Variants in SYTL2 observed in about 807,000 individuals in gnomAD.
The protein encoded by SYTL2 is synaptotagmin like 2.
Under a neutral mutation model 198.7 loss-of-function variants are expected in SYTL2, and 165 were observed. The ratio of observed to expected loss-of-function variants is 0.83; its 90% CI spans 0.73 to 0.94. The LOEUF (loss-of-function observed/expected upper bound fraction) is 0.94. Ranked by LOEUF, SYTL2 falls within the 40% of genes least tolerant of loss-of-function variation. SYTL2 has a pLI of 0.00. For missense variants in SYTL2, 2,835 were observed against 2,582.8 expected (o/e 1.10, Z -2.12); for synonymous variants, 966 against 917.7 (o/e 1.05, Z -0.95).
chr11:85,724,699 C>A lies in SYTL2; in HGVS notation c.4659G>T (p.Lys1553Asn). 1 of 1,614,058 alleles carries A rather than the reference C, an allele frequency of 6.2e-7. No individual in the cohort carries two copies. Among genetic ancestry groups the A allele is most frequent in the Non-Finnish European group, 8.5e-7 (1 of 1,180,008 alleles). Residue 1553 changes from lysine (K) to asparagine (N), a missense_variant, in exon 8 of 20, where the codon AAG (lysine) becomes AAT (asparagine). Lys to Asn is a moderately conservative substitution (Grantham distance 94). Around this residue, in one of 3 missense-constraint regions of SYTL2, gnomAD observed 2,645 missense variants for 2,381.7 expected, o/e 1.11. Coordinates refer to ENST00000359152, the MANE Select transcript of SYTL2 (RefSeq NM_206927.4). Reference protein sequence around the residue: ...HPEELKETVEKAEAPLITESA... With the variant: ...HPEELKETVENAEAPLITESA... ...TCTCAGTTATTAACGGAGCCTCGGC[C>A]TTTTCTACTGTTTCTTTTAATTCCT...
chr11:85,696,302 A>G lies in SYTL2; in HGVS notation c.6455T>C (p.Met2152Thr), dbSNP rs1439632826. 4 of 1,613,940 alleles carry G rather than the reference A, an allele frequency of 2.5e-6. 1 individual carries two copies. The highest frequency in any genetic ancestry group is 2.5e-6 in the Non-Finnish European group (3 of 1,179,876). ...KTTNPIFNHT[M>T]VYDGFRPEDL... is the part of the protein sequence containing the mutation. ...TTCAGGCCTGAACCCATCATACACCATAGTGTGGTTGAAGATAGGGTTGGT... is the reference window on the plus strand; with the variant it reads ...TTCAGGCCTGAACCCATCATACACCGTAGTGTGGTTGAAGATAGGGTTGGT... Residue 2152 changes from methionine (M) to threonine (T), a missense_variant, in exon 19 of 20, where the codon ATG becomes ACG. Physicochemically the swap from Met to Thr is moderately conservative, Grantham distance 81. Transcript: ENST00000359152.
At chr11:85,838,529 T>C in the SYTL2 span, among the ~76,000 whole-genome samples, 1 of 152,072 alleles carries the variant, frequency 6.6e-6, no homozygotes, top group Admixed American at 6.6e-5. Context: ...TAGGGAAGCC[T>C]CAGGAAGCTT....
At position 85,734,483 on chromosome 11, in the gene SYTL2, G is replaced by C. The variant is rs755878918; in HGVS notation, c.846C>G (p.Ser282Arg). 6.2e-7 allele frequency: 1 copy of C among 1,614,192 alleles called. No individual in the cohort carries two copies. The highest frequency in any genetic ancestry group is 8.5e-7 in the Non-Finnish European group (1 of 1,180,026). ...GILKRNSSSS[S>R]TDSETLRYNH... ...TATAACGAAGGGTTTCTGAGTCTGT[G>C]CTACTGGAACTGGAGTTGCGCTTGA... Residue 282 changes from serine (S) to arginine (R), a missense_variant, in exon 7 of 20, where the codon AGC (serine) becomes AGG (arginine). Physicochemically the swap from Ser to Arg is moderately radical, Grantham distance 110. This residue lies in a region of SYTL2 where 2,645 missense variants were observed against 2,381.7 expected (regional missense o/e 1.11). Transcript: ENST00000359152.
chr11:85,826,181 TCCCC>T, the SYTL2 span, among the ~76,000 whole-genome samples: 1 of 152,142 alleles, frequency 6.6e-6, no homozygotes, highest in African/African-American at 2.4e-5. Context: ...TTTGGCCAGA[TCCCC>T]AGGTGATTCT....
intron 1 of SYTL2, among the ~76,000 whole-genome samples, chr11:85,772,849 C>T (rs1387000623): frequency 6.6e-6 from 1 of 152,222 alleles, no homozygotes; most frequent in Non-Finnish European, 1.5e-5. Flanking sequence ...ATTCCCCCTA[C>T]CACACAGCCT....
At chr11:85,828,499 C>G in the SYTL2 span, among the ~76,000 whole-genome samples, 1 of 152,180 alleles carries the variant, frequency 6.6e-6, no homozygotes, top group African/African-American at 2.4e-5. Flanking sequence ...ATTTGCATCC[C>G]TCTAAGATAA....
At chr11:85,735,247 T>C (rs545320322) in intron 6 of SYTL2, among the ~76,000 whole-genome samples, 1 of 152,224 alleles carries the variant, frequency 6.6e-6, no homozygotes, top group African/African-American at 2.4e-5. Context: ...ATAAACTTCA[T>C]TGCACTGTAC....
chr11:85,794,987 G>C (rs564403647), intron 1 of SYTL2, among the ~76,000 whole-genome samples: 1 of 151,840 alleles, frequency 6.6e-6, no homozygotes, highest in Admixed American at 6.6e-5. Context: ...GCTGTACTTC[G>C]GTCTCCACAT....
chr11:85,844,732 C>T, the SYTL2 span, among the ~76,000 whole-genome samples: 1 of 152,076 alleles, frequency 6.6e-6, no homozygotes, highest in Non-Finnish European at 1.5e-5. Context: ...GACCCTTAGG[C>T]AAAAGAAAGA....
intron 2 of SYTL2, among the ~76,000 whole-genome samples, chr11:85,751,812 T>C (rs955937677): frequency 2.6e-5 from 4 of 152,250 alleles, no homozygotes; most frequent in African/African-American, 9.6e-5. Flanking sequence ...TTTCAAAAGA[T>C]GGCCATTTTA....
intron 13 of SYTL2, 68 bp from the exon 14 acceptor site, chr11:85,709,568 A>G: frequency 4.2e-6 from 6 of 1,412,606 alleles, no homozygotes; most frequent in Non-Finnish European, 5.9e-6. Context: ...AGGATCATGG[A>G]TATAATCCCT....
the SYTL2 span, among the ~76,000 whole-genome samples, chr11:85,820,916 C>A: frequency 6.6e-6 from 1 of 152,178 alleles, no homozygotes; most frequent in South Asian, 2.1e-4. Flanking sequence ...ATAATCCCTG[C>A]CTTCAAGGAA....
chr11:85,725,649 T>C lies in SYTL2; in HGVS notation c.3709A>G (p.Thr1237Ala), dbSNP rs774524432. ...PLQAKLAPVI[T>A]GTNSKLEEGR... Reference sequence around the variant, plus strand: ...TCTTCCAGCTTAGAGTTGGTTCCAGTGATAACAGGCGCCAACTTGGCTTGC... The same window carrying C: ...TCTTCCAGCTTAGAGTTGGTTCCAGCGATAACAGGCGCCAACTTGGCTTGC... Residue 1237 changes from threonine (T) to alanine (A), a missense_variant, in exon 8 of 20, where the codon ACT becomes GCT. By Grantham distance (58) the Thr-to-Ala change is moderately conservative. Coordinates refer to ENST00000359152, the MANE Select transcript of SYTL2 (RefSeq NM_206927.4). The C allele has an allele frequency of 6.2e-7, 1 of 1,614,038 alleles. No individual in the cohort carries two copies. Among genetic ancestry groups the C allele is most frequent in the Non-Finnish European group, 8.5e-7 (1 of 1,180,030 alleles).
chr11:85,711,848 A>T lies in SYTL2; in HGVS notation c.5626-616T>A, dbSNP rs2086351507. Among the ~76,000 whole-genome samples, 4 of 152,182 alleles carry T rather than the reference A, an allele frequency of 2.6e-5. No individual in the cohort carries two copies. The South Asian group carries it at 8.3e-4, about 32-fold the overall frequency. On this transcript the variant is annotated intron_variant, in intron 12 of 19. Transcript: ENST00000359152. ...TATCTTTTTGTTCCTAGAGTTAAGTATATTAAATTATACATTCTACCCACA... is the reference window on the plus strand; with the variant it reads ...TATCTTTTTGTTCCTAGAGTTAAGTTTATTAAATTATACATTCTACCCACA...
intron 6 of SYTL2, among the ~76,000 whole-genome samples, chr11:85,735,018 G>A (rs1364326569): frequency 1.3e-5 from 2 of 152,180 alleles, no homozygotes; most frequent in African/African-American, 2.4e-5. Flanking sequence ...ACACCATGAA[G>A]AGTGAACCCT....
chr11:85,719,387 C>T (rs1591710304), intron 9 of SYTL2: 2 of 1,015,500 alleles, frequency 2.0e-6, no homozygotes, highest in East Asian at 1.5e-4. Context: ...GAATACCCGT[C>T]AGCTGATGGT....
chr11:85,717,801 G>A (rs1232393556), intron 10 of SYTL2: 8 of 503,950 alleles, frequency 1.6e-5, no homozygotes, highest in Non-Finnish European at 3.1e-5. Context: ...ATGGGAAGGA[G>A]CACTGGACTA....
chr11:85,816,710 G>A, the SYTL2 span, among the ~76,000 whole-genome samples: 2 of 152,124 alleles, frequency 1.3e-5, no homozygotes, highest in East Asian at 3.8e-4. Context: ...AGGAGTTTGA[G>A]ACCAGCCTGG....
chr11:85,813,027 G>A (rs2093055462), upstream of SYTL2, among the ~76,000 whole-genome samples: 1 of 152,112 alleles, frequency 6.6e-6, no homozygotes, highest in Non-Finnish European at 1.5e-5. Flanking sequence ...GACTTTGAAG[G>A]AACTAAATAC....
Sources: gnomAD v4.1 joint callset for allele counts (sites outside exome capture counted in the v4.1 genomes callset) on GRCh38, gnomAD v4.1.1 for gene constraint, gnomAD v4.1.1 regional missense constraint, MANE v1.5 for transcripts, NCBI Gene and HGNC (gene_info 2026-07-23, HGNC 2026-07-21) for gene names.